The following MYOM2 variants were observed in gnomAD, a reference collection of about 807,000 sequenced individuals.
MYOM2 encodes the protein myomesin 2.
Under a neutral mutation model 187.6 loss-of-function variants are expected in MYOM2, and 254 were observed. That is an observed-to-expected ratio of 1.35 (90% CI 1.22 to 1.50). The LOEUF (loss-of-function observed/expected upper bound fraction) is 1.50. Ranked by LOEUF, MYOM2 falls within the 40% of genes most tolerant of loss-of-function variation. MYOM2 has a pLI of 0.00. For missense variants in MYOM2, 2,796 were observed against 1,924.0 expected (o/e 1.45, Z -8.48); for synonymous variants, 981 against 753.8 (o/e 1.30, Z -4.94).
At chr8:2,059,525 A>G (rs1818782326) in intron 6 of MYOM2, among the ~76,000 whole-genome samples, 5 of 152,192 alleles carry the variant, frequency 3.3e-5, no homozygotes, top group Admixed American at 3.3e-4. Context: ...CATGCAGTGC[A>G]AGAAGCTTTC....
Position 2,108,877 on chromosome 8 carries a change from G to C in MYOM2, c.3043+47G>C, listed in dbSNP as rs187771040. The C allele has an allele frequency of 8.2e-6, 13 of 1,593,190 alleles. 1 individual carries two copies. The African/African-American group carries it at 1.6e-4, about 20-fold the overall frequency. ...CCCCTCTGCTTGCAGCTGCTGGCTG[G>C]AGGGCCGTGTTCATTAATGCATGAG... On this transcript the variant is annotated intron_variant, in intron 24 of 36. Transcript: ENST00000262113.
chr8:2,098,833 T>G (rs116282117), intron 18 of MYOM2, 24 bp from the exon 19 acceptor site: 2 of 1,596,886 alleles, frequency 1.3e-6, no homozygotes, highest in East Asian at 4.5e-5. Flanking sequence ...ATCTCATGTA[T>G]TAATTTAAAC....
At chr8:2,106,920 A>C (rs1267573242) in intron 23 of MYOM2, among the ~76,000 whole-genome samples, 2 of 152,198 alleles carry the variant, frequency 1.3e-5, no homozygotes, top group African/African-American at 2.4e-5. Flanking sequence ...CATGAAATTA[A>C]TGAGAGACCT....
At position 2,074,543 on chromosome 8, in the gene MYOM2, C is replaced by T. The variant is rs546642110; in HGVS notation, c.1120+1043C>T. 3.1e-3 allele frequency among the ~76,000 whole-genome samples: 466 copies of T among 152,264 alleles called. 7 individuals are homozygous for T. The highest frequency in any genetic ancestry group is 0.027 in the Middle Eastern group (8 of 294). On this transcript the variant is annotated intron_variant, in intron 10 of 36. Transcript: ENST00000262113. ...GACCTCGGCTCACTGCAACCTCCGC[C>T]TCCTGGGTTCAAGCGATTCTCCTGC... is the stretch of plus-strand genomic sequence containing the variant.
intron 1 of MYOM2, among the ~76,000 whole-genome samples, chr8:2,045,608 C>T (rs7839064): frequency 0.015 from 2,219 of 152,260 alleles, 68 homozygotes; most frequent in African/African-American, 0.051. Context: ...AAAAAAGAGT[C>T]GAGGGTCATT....
At chr8:2,134,118 C>T (rs77001173) in intron 32 of MYOM2, among the ~76,000 whole-genome samples, 1,576 of 152,316 alleles carry the variant, frequency 0.01, 32 homozygotes, top group African/African-American at 0.036. Flanking sequence ...AACTCTGCTA[C>T]AGACCAATTC....
chr8:2,068,311 T>C lies in MYOM2; in HGVS notation c.654-967T>C, dbSNP rs566592576. ...ATCCTGGGCACAGCTCTTCAATGCC[T>C]GTGTGTACCAGGCGGAGAGCATCCC... On this transcript the variant is annotated intron_variant, in intron 6 of 36. Transcript: ENST00000262113. 7.8e-5 allele frequency among the ~76,000 whole-genome samples: 11 copies of C among 141,200 alleles called. No individual in the cohort carries two copies. In the South Asian group the frequency reaches 9.4e-4, roughly 12 times the overall value. 92.6% of individuals were successfully genotyped at this position (141,200 alleles called of 152,430 possible). A position where few individuals can be genotyped will look rare whatever the true frequency, so the allele number is the denominator to read the frequency against.
rs1490536634 is a variant in MYOM2 at position 2,125,353 on chromosome 8, C to T, written c.3694+1136C>T. On this transcript the variant is annotated intron_variant, in intron 31 of 36. Coordinates refer to ENST00000262113, the MANE Select transcript of MYOM2 (RefSeq NM_003970.4). Reference sequence around the variant, plus strand: ...CCACTGATTAAAGAGACTGTCTTTCCCTATTGTGTCTTCTTGGCATCTTTG... The same window carrying T: ...CCACTGATTAAAGAGACTGTCTTTCTCTATTGTGTCTTCTTGGCATCTTTG... 3.9e-5 allele frequency among the ~76,000 whole-genome samples: 6 copies of T among 152,120 alleles called. No individual in the cohort carries two copies. In the South Asian group the frequency reaches 1.2e-3, roughly 32 times the overall value.
chr8:2,073,411 A>T lies in MYOM2; in HGVS notation c.1031A>T (p.His344Leu). The change falls in exon 10 of 37, where the codon CAC becomes CTC. Residue 344 changes from histidine (H) to leucine (L), a missense_variant. Transcript: ENST00000262113. ...GGCCAGGCCTCCCTGTCCTTCAGCC[A>T]CCTGCACAAGGACGACGAGGGCCTG... Reference protein sequence around the residue: ...GEGQASLSFSHLHKDDEGLYT... With the variant: ...GEGQASLSFSLLHKDDEGLYT... 6.2e-7 allele frequency: 1 copy of T among 1,612,956 alleles called. No individual in the cohort carries two copies.
chr8:2,109,627 A>G lies in MYOM2; in HGVS notation c.3180+96A>G, dbSNP rs1797003602. ...ATATCAACATTCTCTGTCTGTTTCCATCCTTTTCTGAGCCTTAAAGATTGG... is the reference window on the plus strand; with the variant it reads ...ATATCAACATTCTCTGTCTGTTTCCGTCCTTTTCTGAGCCTTAAAGATTGG... On this transcript the variant is annotated intron_variant, in intron 25 of 36. Coordinates refer to ENST00000262113, the MANE Select transcript of MYOM2 (RefSeq NM_003970.4). The G allele has an allele frequency of 5.2e-6, 7 of 1,342,864 alleles. No individual in the cohort carries two copies. The Admixed American group carries it at 1.4e-4, about 28-fold the overall frequency. 83.2% of individuals were successfully genotyped at this position (1,342,864 alleles called of 1,614,324 possible).
chr8:2,133,401 C>A (rs1259330746), intron 32 of MYOM2, among the ~76,000 whole-genome samples: 2 of 152,188 alleles, frequency 1.3e-5, no homozygotes, highest in Non-Finnish European at 2.9e-5. Context: ...GCTATTGAAA[C>A]CTTCAGTGGA....
chr8:2,106,474 CTCT>C lies in MYOM2; in HGVS notation c.2892-11_2892-9del. The C allele has an allele frequency of 1.9e-6, 3 of 1,610,378 alleles. No individual in the cohort carries two copies. Among genetic ancestry groups the C allele is most frequent in the South Asian group, 2.2e-5 (2 of 91,000 alleles). On this transcript the variant is annotated splice_polypyrimidine_tract_variant and intron_variant, in intron 22 of 36. Coordinates refer to ENST00000262113, the MANE Select transcript of MYOM2 (RefSeq NM_003970.4). The stretch of plus-strand genomic sequence containing the variant: ...AACAGAAATGATCGACATTCACCTA[CTCT>C]TCTTCCTTTTTAGCTCCAAGCTGTA...
chr8:2,135,909 C>A (rs568899373), intron 32 of MYOM2, among the ~76,000 whole-genome samples: 1 of 152,256 alleles, frequency 6.6e-6, no homozygotes, highest in South Asian at 2.1e-4. Context: ...CAGGGGAAGC[C>A]AAATGAGTGG....
chr8:2,124,315 C>A, intron 31 of MYOM2, 98 bp downstream of exon 31: 4 of 1,239,082 alleles, frequency 3.2e-6, no homozygotes, highest in Non-Finnish European at 4.6e-6. Flanking sequence ...CACCATGGAG[C>A]TGTGGTGCGT....
chr8:2,101,957 T>G (rs778188440), intron 20 of MYOM2: 3 of 152,274 alleles, frequency 2.0e-5, no homozygotes, highest in African/African-American at 4.8e-5. Context: ...CCAGGAGGCC[T>G]ACATGCTCCA....
At position 2,116,021 on chromosome 8, in the gene MYOM2, G is replaced by C. The variant is rs1585932697; in HGVS notation, c.3242G>C (p.Ser1081Thr). The stretch of plus-strand genomic sequence containing the variant: ...ATTGAGATGGTGATGGATCGATTTA[G>C]TATTGAAAATGAGGGGACCTACACT... ...GIIEMVMDRF[S>T]IENEGTYTVQ... The change falls in exon 26 of 37, where the codon AGT becomes ACT. Residue 1081 changes from serine (S) to threonine (T), a missense_variant. Coordinates refer to ENST00000262113, the MANE Select transcript of MYOM2 (RefSeq NM_003970.4). The C allele has an allele frequency of 6.2e-7, 1 of 1,613,904 alleles. No individual in the cohort carries two copies.
intron 28 of MYOM2, among the ~76,000 whole-genome samples, chr8:2,120,680 T>TATATATACATATAATA: frequency 2.1e-4 from 10 of 48,288 alleles, no homozygotes; most frequent in Admixed American, 3.9e-4. Context: ...ATATATTATA[T>TATATATACATATAATA]TATATATAAA....
At chr8:2,105,359 A>G (rs1473606648) in intron 21 of MYOM2, among the ~76,000 whole-genome samples, 1 of 152,166 alleles carries the variant, frequency 6.6e-6, no homozygotes, top group African/African-American at 2.4e-5. Context: ...AGAGGCTGAG[A>G]TGTGTCTCGT....
intron 16 of MYOM2, 25 bp from the exon 17 acceptor site, chr8:2,093,945 T>A: frequency 6.2e-7 from 1 of 1,612,420 alleles, no homozygotes. Context: ...CTGGCAGTTC[T>A]GACCCTGATC....
Sources: allele counts gnomAD v4.1 joint callset (sites outside exome capture counted in the v4.1 genomes callset), GRCh38; gene constraint gnomAD v4.1.1; transcripts MANE v1.5; gene names NCBI Gene and HGNC (gene_info 2026-07-23, HGNC 2026-07-21).